Variants in CDH6 observed in about 807,000 individuals in gnomAD.
CDH6 encodes cadherin-6.
A neutral mutation model predicts 78.0 loss-of-function variants in CDH6; 31 were observed. That is an observed-to-expected ratio of 0.40 (90% CI 0.30 to 0.54). The LOEUF is 0.54. Among genes scored for constraint, CDH6 ranks in the 20% least tolerant of loss-of-function variants. CDH6 has a pLI of 0.56. For synonymous variants in CDH6, 376 were observed against 368.8 expected, an observed-to-expected ratio of 1.02 and a Z score of -0.23; for missense variants, 724 against 975.9, an observed-to-expected ratio of 0.74 and a Z score of 3.44.
chr5:31,234,364 A>G (rs1304117527), intron 1 of CDH6, among the ~76,000 whole-genome samples: 2 of 152,228 alleles, frequency 1.3e-5, no homozygotes, highest in Non-Finnish European at 2.9e-5. Flanking sequence ...CTGTGTCACC[A>G]TTTTAGAATC....
chr5:31,300,555 G>A (rs1561064466), intron 5 of CDH6, among the ~76,000 whole-genome samples: 1 of 152,122 alleles, frequency 6.6e-6, no homozygotes, highest in African/African-American at 2.4e-5. Flanking sequence ...GTAGAAGAAA[G>A]GTTCTATGAG....
chr5:31,255,194 C>A (rs1177118636), intron 1 of CDH6, among the ~76,000 whole-genome samples: 1 of 152,224 alleles, frequency 6.6e-6, no homozygotes, highest in Admixed American at 6.5e-5. Context: ...TTATTTTGAA[C>A]AACAGCTCCC....
intron 9 of CDH6, 106 bp downstream of exon 9, chr5:31,316,435 G>A: frequency 1.1e-6 from 1 of 950,070 alleles, no homozygotes; most frequent in Non-Finnish European, 1.6e-6. Flanking sequence ...AATTATCTAT[G>A]AAGTGAATGC....
intron 1 of CDH6, among the ~76,000 whole-genome samples, chr5:31,198,805 TA>T (rs1284170804): frequency 6.6e-6 from 1 of 152,110 alleles, no homozygotes; most frequent in Non-Finnish European, 1.5e-5. Flanking sequence ...CTTATAAACA[TA>T]ATTACATCAT....
intron 1 of CDH6, among the ~76,000 whole-genome samples, chr5:31,245,899 C>CTTTTTTTTTTT (rs71612205): frequency 3.4e-5 from 3 of 87,666 alleles, no homozygotes; most frequent in African/African-American, 5.1e-5. Context: ...CTCTCTCTCT[C>CTTTTTTTTTTT]TTTTTTTTTT....
chr5:31,245,990 C>T (rs1431647122), intron 1 of CDH6, among the ~76,000 whole-genome samples: 7 of 149,942 alleles, frequency 4.7e-5, no homozygotes, highest in Non-Finnish European at 7.4e-5. Flanking sequence ...TCACTGCAAC[C>T]TCCACCTCCT....
At chr5:31,292,378 C>G (rs1441261657) in intron 2 of CDH6, among the ~76,000 whole-genome samples, 2 of 152,142 alleles carry the variant, frequency 1.3e-5, no homozygotes, top group East Asian at 3.9e-4. Flanking sequence ...ATTTCTTTCC[C>G]TCAGCACTTC....
chr5:31,260,313 G>A (rs983969069), intron 1 of CDH6, among the ~76,000 whole-genome samples: 21 of 152,090 alleles, frequency 1.4e-4, no homozygotes, highest in African/African-American at 4.8e-4. Flanking sequence ...CGTTGTGCGG[G>A]GCTGAGATTC....
At chr5:31,214,121 C>T (rs1211333785) in intron 1 of CDH6, among the ~76,000 whole-genome samples, 5 of 132,786 alleles carry the variant, frequency 3.8e-5, no homozygotes, top group East Asian at 2.1e-4. Flanking sequence ...GAAAGGTGCA[C>T]GGAAAGGAAT....
intron 1 of CDH6, among the ~76,000 whole-genome samples, chr5:31,228,395 A>C (rs1427038208): frequency 6.6e-6 from 1 of 152,212 alleles, no homozygotes; most frequent in African/African-American, 2.4e-5. Flanking sequence ...GCCAAGGTTC[A>C]GGAAGTGAAT....
intron 1 of CDH6, among the ~76,000 whole-genome samples, chr5:31,264,896 T>C (rs926557125): frequency 3.9e-5 from 6 of 152,210 alleles, no homozygotes; most frequent in Admixed American, 3.3e-4. Flanking sequence ...AGAACTAATA[T>C]TTAATATTCA....
intron 1 of CDH6, among the ~76,000 whole-genome samples, chr5:31,198,495 C>T (rs1033969936): frequency 6.6e-6 from 1 of 152,128 alleles, no homozygotes. Context: ...TAGCATACCA[C>T]AGGGTATGAT....
chr5:31,313,252 T>A (rs1738204965), intron 7 of CDH6, 66 bp from the exon 8 acceptor site: 3 of 1,401,928 alleles, frequency 2.1e-6, no homozygotes, highest in East Asian at 2.3e-5. Flanking sequence ...TGTTTTATGA[T>A]GTTCTATGAT....
intron 1 of CDH6, among the ~76,000 whole-genome samples, chr5:31,208,441 C>T (rs12521283): frequency 0.063 from 9,667 of 152,294 alleles, 623 homozygotes; most frequent in East Asian, 0.38. Context: ...CTCAGCTCTT[C>T]TACCAACAGG....
chr5:31,204,915 C>T (rs1017221020), intron 1 of CDH6, among the ~76,000 whole-genome samples: 1 of 152,162 alleles, frequency 6.6e-6, no homozygotes, highest in Non-Finnish European at 1.5e-5. Context: ...TAGGTTTTAC[C>T]TGATTGACAA....
intron 6 of CDH6, among the ~76,000 whole-genome samples, chr5:31,303,553 T>C (rs879335242): frequency 1.3e-5 from 2 of 152,154 alleles, no homozygotes; most frequent in Non-Finnish European, 2.9e-5. Context: ...CCCCAAATTG[T>C]GTAGCACCAC....
Position 31,303,583 on chromosome 5 carries a change from C to G in CDH6, c.999+1285C>G, listed in dbSNP as rs80256358. Among the ~76,000 whole-genome samples, 5 of 152,184 alleles carry G rather than the reference C, an allele frequency of 3.3e-5. No individual in the cohort carries two copies. In the East Asian group the frequency reaches 9.7e-4, roughly 29 times the overall value. ...CACCACAGAGCAGCATACAAAAATA[C>G]GGCAAAAATTAAAAACCAATGAATT... On this transcript the variant is annotated intron_variant, in intron 6 of 11. Coordinates refer to ENST00000265071, the MANE Select transcript of CDH6 (RefSeq NM_004932.4).
chr5:31,304,435 C>T (rs1309075817), intron 6 of CDH6, among the ~76,000 whole-genome samples: 2 of 152,070 alleles, frequency 1.3e-5, no homozygotes, highest in Admixed American at 6.5e-5. Flanking sequence ...GCTTGTAATC[C>T]CAGCACTTTG....
At chr5:31,202,662 C>T (rs949070973) in intron 1 of CDH6, among the ~76,000 whole-genome samples, 54 of 149,952 alleles carry the variant, frequency 3.6e-4, no homozygotes, top group Non-Finnish European at 4.4e-4. Context: ...TATACACACA[C>T]ATATATATAT....
Sources: allele counts gnomAD v4.1 joint callset (sites outside exome capture counted in the v4.1 genomes callset), GRCh38; gene constraint gnomAD v4.1.1; transcripts MANE v1.5; gene names NCBI Gene and HGNC (gene_info 2026-07-23, HGNC 2026-07-21).